Variants in MATN2 observed in about 807,000 individuals in gnomAD.
The protein encoded by MATN2 is matrilin-2.
A neutral mutation model predicts 103.2 loss-of-function variants in MATN2; 69 were observed. The observed-to-expected ratio is 0.67, with a 90% CI of 0.55 to 0.82. The LOEUF (loss-of-function observed/expected upper bound fraction) is 0.82, where lower values mean the gene tolerates loss of function less well. Ranked by LOEUF, MATN2 falls within the 40% of genes least tolerant of loss-of-function variation. The pLI is 0.00. For missense variants in MATN2, 1,023 were observed against 1,211.5 expected, an observed-to-expected ratio of 0.84 and a Z score of 2.31; for synonymous variants, 429 against 450.2, an observed-to-expected ratio of 0.95 and a Z score of 0.60.
At chr8:97,967,945 A>T (rs1811538810) in intron 5 of MATN2, among the ~76,000 whole-genome samples, 1 of 152,238 alleles carries the variant, frequency 6.6e-6, no homozygotes, top group Admixed American at 6.5e-5. Flanking sequence ...TTCTGCCTGG[A>T]CATCCAGGCT....
chr8:97,993,051 T>C (rs1812454378), intron 6 of MATN2, among the ~76,000 whole-genome samples: 1 of 152,138 alleles, frequency 6.6e-6, no homozygotes, highest in Non-Finnish European at 1.5e-5. Flanking sequence ...CAGCCATAGA[T>C]TGATTCTCCT....
Position 98,027,670 on chromosome 8 carries a change from A to G in MATN2, c.2197A>G (p.Met733Val). The G allele has an allele frequency of 6.2e-7, 1 of 1,613,962 alleles. No individual in the cohort carries two copies. The change falls in exon 14 of 19, where the codon ATG becomes GTG. Residue 733 changes from methionine (M) to valine (V), a missense_variant. Transcript: ENST00000254898. ...AHMKYMGKGSMTGLALKHMFE... is the reference protein window; with the variant it reads ...AHMKYMGKGSVTGLALKHMFE... ...CATGAAATACATGGGAAAGGGCTCT[A>G]TGACTGGGCTGGCCCTGAAACACAT...
intron 5 of MATN2, among the ~76,000 whole-genome samples, chr8:97,978,538 C>T (rs552015364): frequency 5.3e-5 from 8 of 152,310 alleles, no homozygotes; most frequent in East Asian, 3.9e-4. Context: ...CCATTAATAA[C>T]GCTGCTGCCT....
intron 7 of MATN2, among the ~76,000 whole-genome samples, chr8:97,999,976 G>A (rs776466183): frequency 6.6e-6 from 1 of 151,502 alleles, no homozygotes; most frequent in Non-Finnish European, 1.5e-5. Flanking sequence ...CATCTCCTGG[G>A]TTCTAGCGAT....
At chr8:97,972,147 C>A (rs910432025) in intron 5 of MATN2, among the ~76,000 whole-genome samples, 1 of 150,862 alleles carries the variant, frequency 6.6e-6, no homozygotes, top group Non-Finnish European at 1.5e-5. Flanking sequence ...CCACCCCCAG[C>A]TAATGGACCA....
At chr8:97,997,925 T>C (rs1310360283) in intron 7 of MATN2, among the ~76,000 whole-genome samples, 1 of 151,274 alleles carries the variant, frequency 6.6e-6, no homozygotes, top group Non-Finnish European at 1.5e-5. Context: ...GCTCAGGTGA[T>C]TGTCTCACTT....
intron 13 of MATN2, among the ~76,000 whole-genome samples, chr8:98,026,444 A>G (rs1252828653): frequency 6.6e-6 from 1 of 151,876 alleles, no homozygotes; most frequent in Non-Finnish European, 1.5e-5. Context: ...TTTTTTAAGA[A>G]AGACAGTCAC....
At chr8:97,965,899 G>A (rs1017235950) in intron 5 of MATN2, among the ~76,000 whole-genome samples, 8 of 152,050 alleles carry the variant, frequency 5.3e-5, no homozygotes, top group African/African-American at 1.4e-4. Flanking sequence ...CAGGAGAATC[G>A]CTTGAACCTG....
chr8:97,995,894 C>CAGA (rs1210322621), intron 7 of MATN2, among the ~76,000 whole-genome samples: 8 of 152,208 alleles, frequency 5.3e-5, no homozygotes, highest in Non-Finnish European at 8.8e-5. Context: ...GGAGAGCATT[C>CAGA]AGAATGTGAA....
chr8:97,951,202 G>A (rs1810939892), intron 4 of MATN2, among the ~76,000 whole-genome samples: 2 of 152,196 alleles, frequency 1.3e-5, no homozygotes, highest in Admixed American at 1.3e-4. Context: ...GGGAGCTTAG[G>A]GATCATTTTG....
At chr8:97,928,822 G>T (rs572892651) in intron 2 of MATN2, among the ~76,000 whole-genome samples, 1 of 152,180 alleles carries the variant, frequency 6.6e-6, no homozygotes, top group Non-Finnish European at 1.5e-5. Flanking sequence ...GTGGATATTG[G>T]TTGCACCTCT....
chr8:97,963,468 GT>G (rs1374297817), intron 5 of MATN2, among the ~76,000 whole-genome samples: 1 of 152,186 alleles, frequency 6.6e-6, no homozygotes, highest in African/African-American at 2.4e-5. Flanking sequence ...TTCTCTGAGT[GT>G]TTCCAAATAA....
chr8:97,996,312 A>G (rs1418230490), intron 7 of MATN2, among the ~76,000 whole-genome samples: 3 of 152,178 alleles, frequency 2.0e-5, no homozygotes, highest in Non-Finnish European at 2.9e-5. Context: ...AGAAGATCCA[A>G]TGCAATGCAG....
intron 1 of MATN2, among the ~76,000 whole-genome samples, chr8:97,874,821 G>A (rs1173537386): frequency 6.6e-6 from 1 of 151,616 alleles, no homozygotes; most frequent in Non-Finnish European, 1.5e-5. Flanking sequence ...GGGTTCAAGC[G>A]ATTCTCCTGC....
intron 1 of MATN2, among the ~76,000 whole-genome samples, chr8:97,885,669 C>T (rs1818397599): frequency 6.6e-6 from 1 of 152,122 alleles, no homozygotes. Context: ...TGTGTTGGCT[C>T]ACACCTGTAG....
Position 97,982,961 on chromosome 8 carries a change from C to T in MATN2, c.1081+3953C>T, listed in dbSNP as rs1812075467. Among the ~76,000 whole-genome samples, 1 of 152,158 alleles carries T rather than the reference C, an allele frequency of 6.6e-6. No homozygotes were observed. The highest frequency in any genetic ancestry group is 1.5e-5 in the Non-Finnish European group (1 of 68,032). Reference sequence around the variant, plus strand: ...CCCCTGGCTGGGGTCACCTGATTTCCACCCAGCTGTAACTATCCTCACCAT... The same window carrying T: ...CCCCTGGCTGGGGTCACCTGATTTCTACCCAGCTGTAACTATCCTCACCAT... On this transcript the variant is annotated intron_variant, in intron 6 of 18. Transcript: ENST00000254898. The surrounding 1 kb of genome is among the most constrained non-coding windows in gnomAD (Gnocchi z 4.3).
intron 2 of MATN2, among the ~76,000 whole-genome samples, chr8:97,916,544 T>G (rs1193536314): frequency 2.0e-5 from 3 of 152,176 alleles, no homozygotes; most frequent in Admixed American, 6.5e-5. Context: ...CCTCCCACCC[T>G]CTGATGGGCC....
In MATN2 at chr8:98,005,794, G is replaced by A. The variant is rs935239532; in HGVS notation, c.1328-1311G>A. On this transcript the variant is annotated intron_variant, in intron 8 of 18. Coordinates refer to ENST00000254898, the MANE Select transcript of MATN2 (RefSeq NM_002380.5). The surrounding 1 kb of genome is among the most constrained non-coding windows in gnomAD (Gnocchi z 4.6). The stretch of plus-strand genomic sequence containing the variant: ...CCTACTGGGCACCCACATTCTTGTC[G>A]CTATTTAAACAAGGGCAAACTGTGA... 6.6e-6 allele frequency among the ~76,000 whole-genome samples: 1 copy of A among 152,178 alleles called. No homozygotes were observed. The highest frequency in any genetic ancestry group is 2.4e-5 in the African/African-American group (1 of 41,436).
chr8:97,893,315 C>G (rs1266317933), intron 2 of MATN2, among the ~76,000 whole-genome samples: 1 of 152,128 alleles, frequency 6.6e-6, no homozygotes, highest in Non-Finnish European at 1.5e-5. Flanking sequence ...TGGATTCTTC[C>G]CCTTGACCAG....
Sources: allele counts gnomAD v4.1 joint callset (sites outside exome capture counted in the v4.1 genomes callset), GRCh38; gene constraint gnomAD v4.1.1; non-coding constraint Gnocchi (gnomAD v3.1); transcripts MANE v1.5; gene names NCBI Gene and HGNC (gene_info 2026-07-23, HGNC 2026-07-21).